The following PFKL variants were observed in gnomAD, a reference collection of about 807,000 sequenced individuals.
PFKL encodes ATP-dependent 6-phosphofructokinase, liver type.
Under a neutral mutation model 92.1 loss-of-function variants are expected in PFKL, and 74 were observed. The observed-to-expected ratio is 0.80, with a 90% CI of 0.67 to 0.97. The LOEUF is 0.97. PFKL is among the 50% of genes least tolerant of loss of function. The pLI is 0.00. For synonymous variants in PFKL, 494 were observed against 456.4 expected, an observed-to-expected ratio of 1.08 and a Z score of -1.05; for missense variants, 1,028 against 1,116.6, an observed-to-expected ratio of 0.92 and a Z score of 1.13.
At chr21:44,306,790 G>A (rs1194997347) in intron 2 of PFKL, 36 bp downstream of exon 2, 1 of 1,580,562 alleles carries the variant, frequency 6.3e-7, no homozygotes, top group Non-Finnish European at 8.7e-7. Flanking sequence ...TGCAGGGAGT[G>A]GGGACCTCCT....
intron 1 of PFKL, among the ~76,000 whole-genome samples, chr21:44,306,311 C>G (rs2146427999): frequency 6.6e-6 from 1 of 152,276 alleles, no homozygotes; most frequent in Non-Finnish European, 1.5e-5. Context: ...TGGGATGTTC[C>G]CAGTTTATCT....
intron 21 of PFKL, 127 bp from the exon 22 acceptor site, chr21:44,326,588 C>A: frequency 8.3e-7 from 1 of 1,199,156 alleles, no homozygotes. Flanking sequence ...CCACGGATAC[C>A]GAGATGTTCA....
At chr21:44,322,304 G>A (rs1382122978) in intron 14 of PFKL, 101 bp downstream of exon 14, 1 of 1,122,572 alleles carries the variant, frequency 8.9e-7, no homozygotes, top group Non-Finnish European at 1.3e-6. Flanking sequence ...CGGGGCCCTG[G>A]GCTCGGCCCC....
In PFKL at chr21:44,326,970, C is replaced by A; in HGVS notation, c.*108C>A. Reference sequence around the variant, plus strand: ...TCTGGAGCCTGCAGGCAGGTGGGGGCTGCGTCCCTGCTCAGCCCATCCCCT... The same window carrying A: ...TCTGGAGCCTGCAGGCAGGTGGGGGATGCGTCCCTGCTCAGCCCATCCCCT... On this transcript the variant is annotated 3_prime_UTR_variant, in exon 22 of 22. Transcript: ENST00000349048. 1 of 1,019,770 alleles carries A rather than the reference C, an allele frequency of 9.8e-7. No individual in the cohort carries two copies. Among genetic ancestry groups the A allele is most frequent in the Non-Finnish European group, 1.5e-6 (1 of 685,046 alleles). The allele number at this position is 1,019,770 out of a possible 1,614,324, so 63.2% of individuals were successfully genotyped here. A position where few individuals can be genotyped will look rare whatever the true frequency, so the allele number is the denominator to read the frequency against.
In PFKL at chr21:44,322,118, A is replaced by G; in HGVS notation, c.1339-15A>G. 6.2e-7 allele frequency: 1 copy of G among 1,600,576 alleles called. No individual in the cohort carries two copies. ...GGCTCAGGCTGGCCCCTGAAGCTGC[A>G]TCTCCTCCTGGCAGGTGCAAGAAGT... On this transcript the variant is annotated splice_polypyrimidine_tract_variant and intron_variant, in intron 13 of 21. Transcript: ENST00000349048.
At chr21:44,301,438 C>T (rs1309178876) in intron 1 of PFKL, among the ~76,000 whole-genome samples, 2 of 138,084 alleles carry the variant, frequency 1.4e-5, no homozygotes, top group African/African-American at 3.0e-5. Context: ...GCCAGGGGTC[C>T]GTGTTGTCGA....
rs1406136331 is a variant in PFKL at position 44,321,825 on chromosome 21, C to A, written c.1288C>A (p.His430Asn). ...SAVRTGISHG[H>N]TVYVVHDGFE... is the part of the protein sequence containing the mutation. ...GGTGCGGACCGGCATCTCCCATGGA[C>A]ACACAGTATACGTGGTGCACGATGG... is the stretch of plus-strand genomic sequence containing the variant. Residue 430 changes from histidine (H) to asparagine (N), a missense_variant, in exon 13 of 22, where the codon CAC (histidine) becomes AAC (asparagine). His to Asn is a moderately conservative substitution (Grantham distance 68). Coordinates refer to ENST00000349048, the MANE Select transcript of PFKL (RefSeq NM_002626.6). 1.2e-6 allele frequency: 2 copies of A among 1,601,064 alleles called. No individual in the cohort carries two copies. The highest frequency in any genetic ancestry group is 1.7e-5 in the Admixed American group (1 of 58,014).
intron 1 of PFKL, chr21:44,305,294 A>G (rs1376974599): frequency 1.5e-6 from 2 of 1,360,920 alleles, no homozygotes; most frequent in Non-Finnish European, 2.0e-6. Flanking sequence ...CCTGCTGCTG[A>G]GCCCCACGCC....
In PFKL at chr21:44,322,973, A is replaced by G; in HGVS notation, c.1421A>G (p.Lys474Arg). Residue 474 changes from lysine to arginine, a missense_variant, in exon 15 of 22, where the codon AAG becomes AGG. Lys to Arg is a conservative substitution (Grantham distance 26, BLOSUM62 2). Transcript: ENST00000349048. Reference protein sequence around the residue: ...SMLGTKRTLPKGQLESIVENI... With the variant: ...SMLGTKRTLPRGQLESIVENI... ...GTCTTTGACTGCAGGACCCTGCCCAAGGGCCAGCTGGAGTCCATTGTGGAG... is the reference window on the plus strand; with the variant it reads ...GTCTTTGACTGCAGGACCCTGCCCAGGGGCCAGCTGGAGTCCATTGTGGAG... 2 of 1,611,506 alleles carry G rather than the reference A, an allele frequency of 1.2e-6. No homozygotes were observed. Among genetic ancestry groups the G allele is most frequent in the African/African-American group, 1.3e-5 (1 of 75,018 alleles).
chr21:44,324,735 AGGGCAGGGCCC>A (rs1337822841), intron 17 of PFKL, 80 bp downstream of exon 17: 27 of 1,564,272 alleles, frequency 1.7e-5, no homozygotes, highest in Non-Finnish European at 2.2e-5. Flanking sequence ...CGGCCAGCGC[AGGGCAGGGCCC>A]GGGCAGGTGG....
At chr21:44,326,459 A>G (rs947185398) in intron 21 of PFKL, among the ~76,000 whole-genome samples, 195 bp downstream of exon 21, 4 of 152,146 alleles carry the variant, frequency 2.6e-5, no homozygotes, top group South Asian at 2.1e-4. Context: ...ACACTGGGCA[A>G]TCCTTTCGGG....
rs1602058152 is a variant in PFKL, at chr21:44,325,232, T to C, written c.1957T>C (p.Cys653Arg). The C allele has an allele frequency of 2.2e-5, 35 of 1,612,588 alleles. No individual in the cohort carries two copies. The highest frequency in any genetic ancestry group is 3.0e-5 in the Non-Finnish European group (35 of 1,179,282). ...YSSEGKGVFD[C>R]RTNVLGHLQQ... Reference sequence around the variant, plus strand: ...ATCAGAGGGCAAGGGCGTCTTCGACTGCAGGACCAATGTCCTGGGCCACCT... The same window carrying C: ...ATCAGAGGGCAAGGGCGTCTTCGACCGCAGGACCAATGTCCTGGGCCACCT... The change falls in exon 19 of 22, where the codon TGC becomes CGC. Residue 653 changes from cysteine (C) to arginine (R), a missense_variant. Physicochemically the swap from Cys to Arg is radical, Grantham distance 180 (BLOSUM62 -3). Coordinates refer to ENST00000349048, the MANE Select transcript of PFKL (RefSeq NM_002626.6).
At chr21:44,307,157 GC>G (rs1437137294) in intron 2 of PFKL, 1 of 409,824 alleles carries the variant, frequency 2.4e-6, no homozygotes, top group Non-Finnish European at 3.2e-6. Context: ...GGACCTCACC[GC>G]CTCTGCCCTT....
chr21:44,324,835 C>T (rs750731306), intron 17 of PFKL, 21 bp from the exon 18 acceptor site: 5 of 1,602,556 alleles, frequency 3.1e-6, no homozygotes, highest in Non-Finnish European at 4.3e-6. Context: ...TCCGGCTCAT[C>T]CGTGTCCGCC....
rs539532679 is a variant in PFKL, at chr21:44,324,903, G to A, written c.1863G>A (p.Arg621=). 9.0e-4 allele frequency: 1,440 copies of A among 1,607,786 alleles called. 26 individuals are homozygous for A. The South Asian group carries it at 0.015, about 17-fold the overall frequency. Reference sequence around the variant, plus strand: ...AGAAGATGAAGACAGACATTCAGAGGGGCCTGGTGCTGCGGTGAGGCTGCC... The same window carrying A: ...AGAAGATGAAGACAGACATTCAGAGAGGCCTGGTGCTGCGGTGAGGCTGCC... ...MTEKMKTDIQ[R]GLVLRNEKCH... Residue 621 remains arginine (R), a synonymous_variant, in exon 18 of 22, where the codon AGG becomes AGA. Coordinates refer to ENST00000349048, the MANE Select transcript of PFKL (RefSeq NM_002626.6).
At chr21:44,305,253 C>T (rs187237044) in intron 1 of PFKL, 63 of 1,318,316 alleles carry the variant, frequency 4.8e-5, no homozygotes, top group Non-Finnish European at 6.1e-5. Flanking sequence ...TGGGGTTTCT[C>T]AAGGCGTGGC....
chr21:44,326,632 G>T, intron 21 of PFKL, 83 bp from the exon 22 acceptor site: 1 of 1,456,240 alleles, frequency 6.9e-7, no homozygotes, highest in South Asian at 1.3e-5. Context: ...CAGGGTCGGG[G>T]GGGGTGGGGG....
At chr21:44,325,455 G>A (rs903465351) in intron 19 of PFKL, 191 bp downstream of exon 19, 19 of 593,778 alleles carry the variant, frequency 3.2e-5, no homozygotes, top group East Asian at 1.1e-4. Context: ...GAAGGGGTGG[G>A]GCTGGGGCTG....
Position 44,324,485 on chromosome 21 carries a change from C to G in PFKL, c.1651-6C>G. 6.2e-7 allele frequency: 1 copy of G among 1,613,054 alleles called. No homozygotes were observed. Among genetic ancestry groups the G allele is most frequent in the South Asian group, 1.1e-5 (1 of 91,070 alleles). The stretch of plus-strand genomic sequence containing the variant: ...GGAGGACCCCCGACCCCCCCTTGTC[C>G]CCCAGAGCTGTGACCGCATCAAACA... On this transcript the variant is annotated splice_region_variant and splice_polypyrimidine_tract_variant and intron_variant, in intron 16 of 21. Transcript: ENST00000349048.
Sources: gnomAD v4.1 joint callset for allele counts (sites outside exome capture counted in the v4.1 genomes callset) on GRCh38, gnomAD v4.1.1 for gene constraint, MANE v1.5 for transcripts, NCBI Gene and HGNC (gene_info 2026-07-23, HGNC 2026-07-21) for gene names.